Variants in CDH12 observed in about 807,000 individuals in gnomAD.
The protein encoded by CDH12 is cadherin 12, also known as cadherin-12.
CDH12 carries 41 observed loss-of-function variants against 74.1 expected under a neutral mutation model. The observed-to-expected ratio is 0.55, with a 90% confidence interval of 0.43 to 0.72. CDH12 has a LOEUF of 0.72. Ranked by LOEUF, CDH12 falls within the 30% of genes least tolerant of loss-of-function variation. CDH12 has a pLI of 0.00. For missense variants in CDH12, 945 were observed against 977.2 expected (o/e 0.97, Z 0.44); for synonymous variants, 399 against 355.0 (o/e 1.12, Z -1.39).
At chr5:22,441,974 G>A (rs1252031587) in intron 2 of CDH12, among the ~76,000 whole-genome samples, 1 of 152,092 alleles carries the variant, frequency 6.6e-6, no homozygotes, top group Non-Finnish European at 1.5e-5. Flanking sequence ...AAAGTGCTGG[G>A]ATTACAAGCA....
intron 3 of CDH12, among the ~76,000 whole-genome samples, chr5:22,221,515 T>C (rs1193208852): frequency 6.6e-6 from 1 of 151,968 alleles, no homozygotes; most frequent in African/African-American, 2.4e-5. Context: ...TTGCTTTGAC[T>C]CTAAGTGACT....
At chr5:22,709,278 AG>A (rs2126971514) in intron 1 of CDH12, among the ~76,000 whole-genome samples, 1 of 152,276 alleles carries the variant, frequency 6.6e-6, no homozygotes, top group Admixed American at 6.5e-5. Context: ...TCCATTGAAA[AG>A]CTATATTTGT....
intron 1 of CDH12, among the ~76,000 whole-genome samples, chr5:22,587,878 C>A (rs1561511048): frequency 6.7e-6 from 1 of 148,336 alleles, no homozygotes; most frequent in Admixed American, 6.8e-5. Flanking sequence ...ATATAGCACA[C>A]ATATATAAAT....
chr5:21,910,658 G>A (rs1753822544), intron 6 of CDH12, among the ~76,000 whole-genome samples: 1 of 144,462 alleles, frequency 6.9e-6, no homozygotes. Context: ...TATTTTCCAA[G>A]AGAAAGGTAG....
At position 21,902,136 on chromosome 5, in the gene CDH12, GATCT is replaced by G. The variant is rs748225126; in HGVS notation, c.527-47350_527-47347del. The stretch of plus-strand genomic sequence containing the variant: ...ATCTTTATTCTGCTGCCTTCTGTAG[GATCT>G]ATCTTAGAGATATGTTGCCTCTTGA... On this transcript the variant is annotated intron_variant, in intron 6 of 14. Coordinates refer to ENST00000382254, the MANE Select transcript of CDH12 (RefSeq NM_004061.5). 4.9e-4 allele frequency among the ~76,000 whole-genome samples: 75 copies of G among 151,998 alleles called. 4 individuals are homozygous for G. In the South Asian group the frequency reaches 8.9e-3, roughly 18 times the overall value.
chr5:22,621,245 A>G (rs188827603), intron 1 of CDH12, among the ~76,000 whole-genome samples: 1 of 152,278 alleles, frequency 6.6e-6, no homozygotes, highest in Admixed American at 6.5e-5. Flanking sequence ...GGAAATTCTG[A>G]AAGATCTTTC....
intron 5 of CDH12, among the ~76,000 whole-genome samples, chr5:21,996,797 A>G (rs1160935905): frequency 6.6e-6 from 1 of 152,208 alleles, no homozygotes; most frequent in African/African-American, 2.4e-5. Context: ...CCGCATTTAT[A>G]TGAGGAAAAA....
chr5:22,571,788 A>C (rs1277127210), intron 1 of CDH12, among the ~76,000 whole-genome samples: 1 of 152,190 alleles, frequency 6.6e-6, no homozygotes, highest in Admixed American at 6.5e-5. Flanking sequence ...GGAAAAAGCC[A>C]TGTGGTGGGG....
Position 22,442,014 on chromosome 5 carries a change from T to C in CDH12, c.-427-36663A>G, listed in dbSNP as rs574400319. Reference sequence around the variant, plus strand: ...CCATGGAGCGTGGCCCCTTTATTTGTATTCAATGTAACCCAGAATGATAAA... The same window carrying C: ...CCATGGAGCGTGGCCCCTTTATTTGCATTCAATGTAACCCAGAATGATAAA... On this transcript the variant is annotated intron_variant, in intron 2 of 14. Transcript: ENST00000382254. Among the ~76,000 whole-genome samples, 5 of 152,246 alleles carry C rather than the reference T, an allele frequency of 3.3e-5. No individual in the cohort carries two copies. The East Asian group carries it at 9.7e-4, about 29-fold the overall frequency.
chr5:22,670,622 C>A (rs1740854437), intron 1 of CDH12, among the ~76,000 whole-genome samples: 1 of 151,994 alleles, frequency 6.6e-6, no homozygotes, highest in African/African-American at 2.4e-5. Context: ...AAATTACATG[C>A]TTTACTGGCT....
At chr5:22,560,634 G>T (rs1739005996) in intron 1 of CDH12, among the ~76,000 whole-genome samples, 1 of 151,328 alleles carries the variant, frequency 6.6e-6, no homozygotes, top group East Asian at 1.9e-4. Context: ...AAAAAATAAA[G>T]GTAATAAAAA....
chr5:22,343,574 C>G (rs183866646), intron 3 of CDH12, among the ~76,000 whole-genome samples: 2 of 152,022 alleles, frequency 1.3e-5, no homozygotes, highest in African/African-American at 2.4e-5. Flanking sequence ...CCCGCCACCA[C>G]GCCCAGCTAA....
intron 1 of CDH12, among the ~76,000 whole-genome samples, chr5:22,560,107 G>C (rs1738973529): frequency 6.6e-6 from 1 of 152,064 alleles, no homozygotes; most frequent in African/African-American, 2.4e-5. Context: ...GTGTATTAAG[G>C]TATTTTTGAT....
chr5:22,639,956 G>A (rs866873516), intron 1 of CDH12, among the ~76,000 whole-genome samples: 4 of 151,964 alleles, frequency 2.6e-5, no homozygotes, highest in African/African-American at 7.3e-5. Flanking sequence ...AAAATCTTTT[G>A]TTTCTCTTTA....
At position 22,078,479 on chromosome 5, in the gene CDH12, T is replaced by G. The variant is rs1742488040; in HGVS notation, c.198A>C (p.Glu66Asp). ...CATACTGAGGCTCGGAGCCCACGTA[T>G]TCTTCCAGCACAAAAAATTGATTCC... ...WVWNQFFVLE[E>D]YVGSEPQYVG... Residue 66 changes from glutamate to aspartate, a missense_variant, in exon 5 of 15, where the codon GAA becomes GAC. Glu to Asp is a conservative substitution (Grantham distance 45). This residue lies in a region of CDH12 where 148 missense variants were observed against 162.8 expected (regional missense o/e 0.91). Coordinates refer to ENST00000382254, the MANE Select transcript of CDH12 (RefSeq NM_004061.5). 1 of 1,613,786 alleles carries G rather than the reference T, an allele frequency of 6.2e-7. No homozygotes were observed. Among genetic ancestry groups the G allele is most frequent in the South Asian group, 1.1e-5 (1 of 91,084 alleles).
intron 2 of CDH12, among the ~76,000 whole-genome samples, chr5:22,487,186 G>A (rs969944930): frequency 6.6e-6 from 1 of 152,056 alleles, no homozygotes. Context: ...TATTTTAGTA[G>A]AGATGGGGTT....
chr5:22,228,924 A>G (rs565988720), intron 3 of CDH12, among the ~76,000 whole-genome samples: 35 of 152,250 alleles, frequency 2.3e-4, no homozygotes, highest in Middle Eastern at 3.4e-3. Context: ...ACCTATTCTA[A>G]TAGTTATATT....
chr5:21,934,954 T>A (rs1222325464), intron 6 of CDH12, among the ~76,000 whole-genome samples: 3 of 152,072 alleles, frequency 2.0e-5, no homozygotes, highest in African/African-American at 7.2e-5. Flanking sequence ...GCCCGGCTAA[T>A]TTTTTGTTTT....
intron 1 of CDH12, among the ~76,000 whole-genome samples, chr5:22,692,824 C>T (rs923279): frequency 0.55 from 76,186 of 137,512 alleles, 19,760 homozygotes; most frequent in Admixed American, 0.6. Flanking sequence ...CTTTTTTTTT[C>T]CTGAATAAAC....
Sources: allele counts gnomAD v4.1 joint callset (sites outside exome capture counted in the v4.1 genomes callset), GRCh38; gene constraint gnomAD v4.1.1; regional missense constraint gnomAD v4.1.1; transcripts MANE v1.5; gene names NCBI Gene and HGNC (gene_info 2026-07-23, HGNC 2026-07-21).